PPIG: variants seen among roughly 807,000 people sequenced by gnomAD.
PPIG encodes peptidyl-prolyl cis-trans isomerase G.
Under a neutral mutation model 87.9 loss-of-function variants are expected in PPIG, and 26 were observed. That is an observed-to-expected ratio of 0.30 (90% CI 0.22 to 0.41). The LOEUF (loss-of-function observed/expected upper bound fraction) is 0.41. PPIG is among the 10% of genes least tolerant of loss of function. The pLI, the probability that PPIG is intolerant of heterozygous loss-of-function variation, is 1.00. For missense variants in PPIG, 722 were observed against 879.4 expected, an observed-to-expected ratio of 0.82 and a Z score of 2.26; for synonymous variants, 308 against 276.5, an observed-to-expected ratio of 1.11 and a Z score of -1.13.
At chr2:169,595,199 C>A (rs181902596) in intron 1 of PPIG, among the ~76,000 whole-genome samples, 2 of 152,250 alleles carry the variant, frequency 1.3e-5, no homozygotes, top group African/African-American at 4.8e-5. Flanking sequence ...GGATTATAGG[C>A]GTGAGCCACT....
chr2:169,600,150 C>T (rs928379203), intron 1 of PPIG, among the ~76,000 whole-genome samples: 8 of 151,490 alleles, frequency 5.3e-5, no homozygotes, highest in Non-Finnish European at 1.2e-4. Context: ...TCTTGGCTCA[C>T]TGCAACCTCC....
At chr2:169,586,423 A>G (rs1684707067) in intron 1 of PPIG, among the ~76,000 whole-genome samples, 1 of 152,180 alleles carries the variant, frequency 6.6e-6, no homozygotes, top group Non-Finnish European at 1.5e-5. Flanking sequence ...CCTTCCATCA[A>G]CTGTGGGCTT....
At position 169,627,893 on chromosome 2, in the gene PPIG, G is replaced by A. The variant is rs527810227; in HGVS notation, c.548-2881G>A. Among the ~76,000 whole-genome samples, 5 of 152,080 alleles carry A rather than the reference G, an allele frequency of 3.3e-5. No homozygotes were observed. In the South Asian group the frequency reaches 1.0e-3, roughly 32 times the overall value. ...TTTAACAAGTATATTTTATGTTTAA[G>A]TGTAGTATTTTTATTTTGCTTGCAC... On this transcript the variant is annotated intron_variant, in intron 9 of 13. Transcript: ENST00000260970.
rs771655966 is a variant in PPIG at position 169,637,321 on chromosome 2, C to T, written c.2063C>T (p.Pro688Leu). The change falls in exon 14 of 14, where the codon CCC (proline) becomes CTC (leucine). Residue 688 changes from proline (P) to leucine (L), a missense_variant. Around this residue, in one of 4 missense-constraint regions of PPIG, gnomAD observed 476 missense variants for 483.1 expected, o/e 0.99. Coordinates refer to ENST00000260970, the MANE Select transcript of PPIG (RefSeq NM_004792.3). ...AAAAAGGCTGATAGAGATCAAAGTC[C>T]CTTCTCAAAAATAAAACAAAGCAGT... ...REKKADRDQS[P>L]FSKIKQSSQD... 2 of 1,605,246 alleles carry T rather than the reference C, an allele frequency of 1.2e-6. No individual in the cohort carries two copies. The highest frequency in any genetic ancestry group is 3.4e-5 in the Admixed American group (2 of 58,076).
At chr2:169,604,700 C>T (rs1394318465) in intron 4 of PPIG, among the ~76,000 whole-genome samples, 3 of 149,946 alleles carry the variant, frequency 2.0e-5, no homozygotes, top group African/African-American at 7.4e-5. Context: ...ATGGTGAAAC[C>T]CCATCTCTAC....
chr2:169,606,682 C>G lies in PPIG; in HGVS notation c.245-422C>G, dbSNP rs569579498. Among the ~76,000 whole-genome samples, 3 of 150,056 alleles carry G rather than the reference C, an allele frequency of 2.0e-5. No homozygotes were observed. The South Asian group carries it at 6.3e-4, about 32-fold the overall frequency. On this transcript the variant is annotated intron_variant, in intron 5 of 13. Transcript: ENST00000260970. The stretch of plus-strand genomic sequence containing the variant: ...AAATAGGCTTCTGGATACAAAACAA[C>G]ACTGCATTCATCTCAGTAATCTGTC...
chr2:169,618,169 A>G (rs918482884), intron 9 of PPIG, among the ~76,000 whole-genome samples: 2 of 152,178 alleles, frequency 1.3e-5, no homozygotes, highest in African/African-American at 2.4e-5. Flanking sequence ...TGATTTATGT[A>G]TGTTGAACCA....
At chr2:169,631,359 C>T (rs1686047923) in intron 10 of PPIG, 2 of 273,054 alleles carry the variant, frequency 7.3e-6, no homozygotes, top group Non-Finnish European at 1.3e-5. Flanking sequence ...CAGATAATGT[C>T]AGTGTATTTT....
chr2:169,608,265 C>T (rs1685385641), intron 6 of PPIG, among the ~76,000 whole-genome samples: 1 of 151,436 alleles, frequency 6.6e-6, no homozygotes, highest in South Asian at 2.1e-4. Context: ...CCGAGGCGGG[C>T]GGATCACGAT....
intron 4 of PPIG, 37 bp downstream of exon 4, chr2:169,604,298 C>A: frequency 1.1e-6 from 1 of 926,140 alleles, no homozygotes; most frequent in East Asian, 3.3e-5. Context: ...ATAGTAGTCT[C>A]AGTTGACTAT....
rs910206460 is a variant in PPIG at position 169,596,223 on chromosome 2, G to A, written c.-69-7419G>A. 2.6e-5 allele frequency among the ~76,000 whole-genome samples: 4 copies of A among 152,126 alleles called. No individual in the cohort carries two copies. In the East Asian group the frequency reaches 5.8e-4, roughly 22 times the overall value. On this transcript the variant is annotated intron_variant, in intron 1 of 13. Transcript: ENST00000260970. ...GGGTTCCAGAAATTTTCCTGCCTCAGCCTCCCAGGTAGCTGGGATTACAGG... is the reference window on the plus strand; with the variant it reads ...GGGTTCCAGAAATTTTCCTGCCTCAACCTCCCAGGTAGCTGGGATTACAGG...
chr2:169,628,938 C>CAAAAAAAAA (rs1685964722), intron 9 of PPIG, among the ~76,000 whole-genome samples: 1 of 37,058 alleles, frequency 2.7e-5, no homozygotes, highest in African/African-American at 1.7e-4. Flanking sequence ...GACCCTGTCT[C>CAAAAAAAAA]CAAAAAAAAA....
intron 7 of PPIG, among the ~76,000 whole-genome samples, chr2:169,613,307 CCT>C (rs1685537980): frequency 6.6e-6 from 1 of 152,070 alleles, no homozygotes; most frequent in Non-Finnish European, 1.5e-5. Flanking sequence ...ATTAGGTAAA[CCT>C]AAAAATTCAG....
At chr2:169,631,330 A>G (rs1372276575) in intron 10 of PPIG, 13 of 287,758 alleles carry the variant, frequency 4.5e-5, no homozygotes, top group African/African-American at 9.1e-5. Flanking sequence ...TGCTCTTACG[A>G]TAGCATAAGG....
At chr2:169,634,287 C>G (rs967719261) in intron 12 of PPIG, among the ~76,000 whole-genome samples, 5 of 152,074 alleles carry the variant, frequency 3.3e-5, no homozygotes, top group African/African-American at 1.2e-4. Context: ...GTCTTGAACT[C>G]CTGAGCTCAA....
intron 1 of PPIG, among the ~76,000 whole-genome samples, chr2:169,603,171 A>G (rs1685230401): frequency 6.6e-6 from 1 of 152,224 alleles, no homozygotes; most frequent in East Asian, 1.9e-4. Context: ...ATAGCATATG[A>G]AACTGTCATT....
intron 1 of PPIG, among the ~76,000 whole-genome samples, chr2:169,597,575 C>G (rs1194977182): frequency 6.6e-6 from 1 of 151,462 alleles, no homozygotes; most frequent in Non-Finnish European, 1.5e-5. Context: ...TTTGGCTCAC[C>G]ACAACCTCCG....
At chr2:169,620,523 A>G (rs80040850) in intron 9 of PPIG, among the ~76,000 whole-genome samples, 15,353 of 152,092 alleles carry the variant, frequency 0.1, 972 homozygotes, top group Middle Eastern at 0.19. Flanking sequence ...GTAGTTGTCT[A>G]AATAACCTAG....
chr2:169,587,026 T>C (rs1046162837), intron 1 of PPIG, among the ~76,000 whole-genome samples: 7 of 151,190 alleles, frequency 4.6e-5, no homozygotes, highest in African/African-American at 1.5e-4. Context: ...CTCCACCTCC[T>C]GAGCTCAAGG....
Sources: gnomAD v4.1 joint callset for allele counts (sites outside exome capture counted in the v4.1 genomes callset) on GRCh38, gnomAD v4.1.1 for gene constraint, gnomAD v4.1.1 regional missense constraint, MANE v1.5 for transcripts, NCBI Gene and HGNC (gene_info 2026-07-23, HGNC 2026-07-21) for gene names.